The following AGBL4 variants were observed in gnomAD, a reference collection of about 807,000 sequenced individuals.
AGBL4 encodes the protein cytosolic carboxypeptidase 6.
AGBL4 carries 58 observed loss-of-function variants against 66.4 expected under a neutral mutation model. The observed-to-expected ratio is 0.87, with a 90% CI of 0.71 to 1.09. The LOEUF is 1.09. Among genes scored for constraint, AGBL4 ranks in the 50% least tolerant of loss-of-function variants. The pLI is 0.00. For synonymous variants in AGBL4, 234 were observed against 222.9 expected (o/e 1.05, Z -0.44); for missense variants, 579 against 631.0 (o/e 0.92, Z 0.88).
chr1:49,597,454 C>A (rs1467001302), intron 3 of AGBL4, among the ~76,000 whole-genome samples: 1 of 152,158 alleles, frequency 6.6e-6, no homozygotes, highest in Non-Finnish European at 1.5e-5. Context: ...CTCAAGCTGA[C>A]ACTTAGTTGA....
chr1:48,924,637 A>G (rs142033740), intron 5 of AGBL4, among the ~76,000 whole-genome samples: 1 of 152,316 alleles, frequency 6.6e-6, no homozygotes, highest in African/African-American at 2.4e-5. Flanking sequence ...AGAGTTCACT[A>G]AACAATTACC....
intron 1 of AGBL4, among the ~76,000 whole-genome samples, chr1:49,984,762 GAAACA>G (rs1394567953): frequency 6.6e-6 from 1 of 152,096 alleles, no homozygotes; most frequent in Non-Finnish European, 1.5e-5. Flanking sequence ...TTACATAATT[GAAACA>G]AAAGCAGCTT....
intron 4 of AGBL4, among the ~76,000 whole-genome samples, chr1:49,234,091 T>C (rs1650531800): frequency 6.6e-6 from 1 of 152,230 alleles, no homozygotes; most frequent in Non-Finnish European, 1.5e-5. Context: ...ATGGTATGTT[T>C]GAAAGTTGCC....
At chr1:49,257,811 G>C (rs908067725) in intron 3 of AGBL4, among the ~76,000 whole-genome samples, 7 of 152,144 alleles carry the variant, frequency 4.6e-5, no homozygotes, top group African/African-American at 1.7e-4. Flanking sequence ...GGCCATCTTG[G>C]CTCCTCCAGC....
In AGBL4 at chr1:49,322,820, G is replaced by C. The variant is rs149602166; in HGVS notation, c.283-76956C>G. On this transcript the variant is annotated intron_variant, in intron 3 of 13. Coordinates refer to ENST00000371839, the MANE Select transcript of AGBL4 (RefSeq NM_032785.4). ...GTTATTTTAAGTCACCTGGTTTGTA[G>C]TAATTTGTTGCATTATCCTGAGAAA... 2.0e-5 allele frequency among the ~76,000 whole-genome samples: 3 copies of C among 152,280 alleles called. No individual in the cohort carries two copies. The East Asian group carries it at 5.8e-4, about 29-fold the overall frequency.
intron 3 of AGBL4, among the ~76,000 whole-genome samples, chr1:49,364,239 C>T (rs901836862): frequency 6.6e-6 from 1 of 152,128 alleles, no homozygotes; most frequent in African/African-American, 2.4e-5. Context: ...ATGCTTAATG[C>T]TTGTCCATAT....
chr1:49,902,039 C>T (rs754888509), intron 1 of AGBL4, among the ~76,000 whole-genome samples: 1 of 152,088 alleles, frequency 6.6e-6, no homozygotes, highest in Non-Finnish European at 1.5e-5. Context: ...AAAATTAACA[C>T]AAGATGGATC....
At chr1:49,005,613 A>G (rs923473501) in intron 5 of AGBL4, among the ~76,000 whole-genome samples, 9 of 152,156 alleles carry the variant, frequency 5.9e-5, no homozygotes, top group African/African-American at 2.2e-4. Context: ...ATTGTTGTTA[A>G]TCTCTTACTA....
At position 49,550,571 on chromosome 1, in the gene AGBL4, G is replaced by A. The variant is rs373344397; in HGVS notation, c.282+146742C>T. ...TCCTTCATACATGATGCTTAGTTTT[G>A]CTGGATACAAAATTCTTGGCTAATA... On this transcript the variant is annotated intron_variant, in intron 3 of 13. Coordinates refer to ENST00000371839, the MANE Select transcript of AGBL4 (RefSeq NM_032785.4). Among the ~76,000 whole-genome samples, 11 of 152,210 alleles carry A rather than the reference G, an allele frequency of 7.2e-5. No homozygotes were observed. The South Asian group carries it at 2.3e-3, about 32-fold the overall frequency.
chr1:49,509,527 G>A (rs914824313), intron 3 of AGBL4, among the ~76,000 whole-genome samples: 1 of 151,874 alleles, frequency 6.6e-6, no homozygotes, highest in Non-Finnish European at 1.5e-5. Flanking sequence ...AATGAGTAGT[G>A]AGAAATGCAG....
intron 3 of AGBL4, among the ~76,000 whole-genome samples, chr1:49,566,907 G>A (rs933636735): frequency 1.3e-5 from 2 of 152,216 alleles, no homozygotes; most frequent in Non-Finnish European, 2.9e-5. Flanking sequence ...GGAGCCTACA[G>A]AGGCAGGCAG....
In AGBL4 at chr1:48,711,232, G is replaced by A. The variant is rs189164244; in HGVS notation, c.635-47991C>T. On this transcript the variant is annotated intron_variant, in intron 6 of 13. Coordinates refer to ENST00000371839, the MANE Select transcript of AGBL4 (RefSeq NM_032785.4). ...GGGGGCTGTGGAGGAGCAGGGATCAGCAAAGGAGGAGAGCCCTGAGGTTCA... is the reference window on the plus strand; with the variant it reads ...GGGGGCTGTGGAGGAGCAGGGATCAACAAAGGAGGAGAGCCCTGAGGTTCA... 4.5e-4 allele frequency among the ~76,000 whole-genome samples: 69 copies of A among 152,312 alleles called. No individual in the cohort carries two copies. In the South Asian group the frequency reaches 0.011, roughly 25 times the overall value.
At chr1:49,809,784 T>C (rs1047794453) in intron 2 of AGBL4, among the ~76,000 whole-genome samples, 1 of 152,116 alleles carries the variant, frequency 6.6e-6, no homozygotes, top group Non-Finnish European at 1.5e-5. Flanking sequence ...CCAGACAAAA[T>C]GCTGTAAACA....
At chr1:48,635,335 C>T (rs1457130068) in intron 8 of AGBL4, among the ~76,000 whole-genome samples, 3 of 152,202 alleles carry the variant, frequency 2.0e-5, no homozygotes, top group Non-Finnish European at 4.4e-5. Context: ...TGCCTCTTTC[C>T]TCAATGCCCC....
chr1:48,837,034 TATG>T (rs1433592180), intron 6 of AGBL4, among the ~76,000 whole-genome samples: 2 of 148,058 alleles, frequency 1.4e-5, no homozygotes, highest in Admixed American at 6.8e-5. Flanking sequence ...ACATAAGTAA[TATG>T]ATAATATATA....
At chr1:49,026,334 G>T (rs924823677) in intron 5 of AGBL4, among the ~76,000 whole-genome samples, 2 of 152,072 alleles carry the variant, frequency 1.3e-5, no homozygotes, top group African/African-American at 4.8e-5. Flanking sequence ...GGCCAAAAAA[G>T]AACTCTGAAA....
intron 6 of AGBL4, among the ~76,000 whole-genome samples, chr1:48,841,558 C>T (rs1646803855): frequency 6.6e-6 from 1 of 152,040 alleles, no homozygotes; most frequent in Non-Finnish European, 1.5e-5. Context: ...GCTCCCCGCC[C>T]TCCAACCCCC....
At chr1:49,690,914 C>G (rs766670964) in intron 3 of AGBL4, among the ~76,000 whole-genome samples, 5 of 152,078 alleles carry the variant, frequency 3.3e-5, no homozygotes, top group Non-Finnish European at 4.4e-5. Context: ...TTTAAATAGA[C>G]AGTTCAATAA....
intron 6 of AGBL4, among the ~76,000 whole-genome samples, chr1:48,812,729 G>T (rs1283656151): frequency 6.6e-6 from 1 of 151,988 alleles, no homozygotes; most frequent in Non-Finnish European, 1.5e-5. Context: ...AACAATGATA[G>T]ACTGGATTAA....
Sources: gnomAD v4.1 joint callset for allele counts (sites outside exome capture counted in the v4.1 genomes callset) on GRCh38, gnomAD v4.1.1 for gene constraint, MANE v1.5 for transcripts, NCBI Gene and HGNC (gene_info 2026-07-23, HGNC 2026-07-21) for gene names.